EPHA6: variants seen among roughly 807,000 people sequenced by gnomAD.
EPHA6 encodes ephrin type-A receptor 6.
In EPHA6, 50 loss-of-function variants were observed where a neutral mutation model predicts 112.0. The observed-to-expected ratio is 0.45, with a 90% confidence interval of 0.36 to 0.56. EPHA6 has a LOEUF of 0.56. Ranked by LOEUF, EPHA6 falls within the 20% of genes least tolerant of loss-of-function variation. The pLI is 0.00. For missense variants in EPHA6, 1,280 were observed against 1,417.4 expected, an observed-to-expected ratio of 0.90 and a Z score of 1.56; for synonymous variants, 529 against 490.7, an observed-to-expected ratio of 1.08 and a Z score of -1.03.
Position 97,750,483 on chromosome 3 carries a change from A to G in EPHA6, c.*1782A>G, listed in dbSNP as rs2035873101. Among the ~76,000 whole-genome samples the G allele has an allele frequency of 6.6e-6, 1 of 151,850 alleles. No individual in the cohort carries two copies. Among genetic ancestry groups the G allele is most frequent in the African/African-American group, 2.4e-5 (1 of 41,330 alleles). On this transcript the variant is annotated 3_prime_UTR_variant, in exon 18 of 18. Transcript: ENST00000389672. Reference sequence around the variant, plus strand: ...GCGATTCTCCTGCCTCAGCCACCCGAGTAGCTGGGATTACAGGCGCCTGCC... The same window carrying G: ...GCGATTCTCCTGCCTCAGCCACCCGGGTAGCTGGGATTACAGGCGCCTGCC...
At chr3:97,174,397 T>C (rs1474678590) in intron 3 of EPHA6, among the ~76,000 whole-genome samples, 1 of 151,920 alleles carries the variant, frequency 6.6e-6, no homozygotes, top group Admixed American at 6.6e-5. Context: ...TGATTTCCTT[T>C]CTTTTGGGTA....
At chr3:97,668,291 A>G (rs1263210976) in intron 14 of EPHA6, among the ~76,000 whole-genome samples, 9 of 152,186 alleles carry the variant, frequency 5.9e-5, no homozygotes, top group Non-Finnish European at 1.2e-4. Flanking sequence ...AATAAAATCT[A>G]TGACTCCCAG....
At chr3:96,998,063 C>G (rs548671813) in intron 3 of EPHA6, among the ~76,000 whole-genome samples, 1 of 151,700 alleles carries the variant, frequency 6.6e-6, no homozygotes, top group Non-Finnish European at 1.5e-5. Context: ...ATATTTTATT[C>G]TGTTAACTTT....
chr3:97,607,439 A>T (rs2093688321), intron 12 of EPHA6, among the ~76,000 whole-genome samples: 1 of 151,110 alleles, frequency 6.6e-6, no homozygotes, highest in African/African-American at 2.4e-5. Context: ...CTATAACAGA[A>T]AAGGATGATA....
intron 14 of EPHA6, among the ~76,000 whole-genome samples, chr3:97,690,606 T>C (rs1040725779): frequency 3.9e-5 from 6 of 152,128 alleles, no homozygotes; most frequent in African/African-American, 1.4e-4. Context: ...TAGCTGGGAT[T>C]ACAGGCTCAC....
chr3:97,491,022 C>T (rs886296994), intron 10 of EPHA6, among the ~76,000 whole-genome samples: 4 of 152,186 alleles, frequency 2.6e-5, no homozygotes, highest in South Asian at 2.1e-4. Flanking sequence ...GCATCTCCAA[C>T]GTGGCAGCTT....
intron 5 of EPHA6, among the ~76,000 whole-genome samples, chr3:97,316,164 A>G (rs748596060): frequency 6.6e-6 from 1 of 151,988 alleles, no homozygotes; most frequent in Non-Finnish European, 1.5e-5. Flanking sequence ...ATTTCCCTCA[A>G]GATATGGGAG....
intron 14 of EPHA6, among the ~76,000 whole-genome samples, chr3:97,694,087 A>G (rs2032857060): frequency 1.3e-5 from 2 of 152,126 alleles, no homozygotes; most frequent in African/African-American, 4.8e-5. Flanking sequence ...ATTAACTTTG[A>G]TTATTTTATA....
At chr3:97,425,553 A>G (rs1159349569) in intron 6 of EPHA6, among the ~76,000 whole-genome samples, 10 of 152,302 alleles carry the variant, frequency 6.6e-5, no homozygotes, top group African/African-American at 1.9e-4. Context: ...GGGCCCAGCC[A>G]TGAAAACATT....
chr3:97,300,649 C>T (rs186874194), intron 5 of EPHA6, among the ~76,000 whole-genome samples: 209 of 152,164 alleles, frequency 1.4e-3, no homozygotes, highest in African/African-American at 4.7e-3. Flanking sequence ...CCTCTAGTCC[C>T]ATCCTAGAAT....
In EPHA6 at chr3:97,515,954, A is replaced by C. The variant is rs375067345; in HGVS notation, c.2201-16404A>C. On this transcript the variant is annotated intron_variant, in intron 10 of 17. Transcript: ENST00000389672. The stretch of plus-strand genomic sequence containing the variant: ...ATGATAAGAAAGTTAAAAAAAAAAA[A>C]ACACCTCATTCTCAGGTCTTAAAGA... Among the ~76,000 whole-genome samples, 30 of 152,120 alleles carry C rather than the reference A, an allele frequency of 2.0e-4. No individual in the cohort carries two copies. The East Asian group carries it at 3.1e-3, about 16-fold the overall frequency.
chr3:97,139,115 C>A (rs950239128), intron 3 of EPHA6, among the ~76,000 whole-genome samples: 12 of 152,142 alleles, frequency 7.9e-5, no homozygotes, highest in Admixed American at 5.9e-4. Flanking sequence ...GCTTGTCTGA[C>A]CCAGCCCACT....
chr3:97,352,834 C>G (rs1266671645), intron 5 of EPHA6, among the ~76,000 whole-genome samples: 1 of 152,096 alleles, frequency 6.6e-6, no homozygotes, highest in African/African-American at 2.4e-5. Flanking sequence ...TGCATCACCC[C>G]TTCCCCATCC....
rs2032617722 is a variant in EPHA6 at position 96,814,767 on chromosome 3, A to G, written c.144A>G (p.Thr48=). The G allele has an allele frequency of 5.6e-6, 9 of 1,599,010 alleles. No individual in the cohort carries two copies. The highest frequency in any genetic ancestry group is 7.7e-6 in the Non-Finnish European group (9 of 1,171,680). ...PGTSRRGRPG[T]PPAGRVEEEE... ...CCTCGCGCAGGGGGCGCCCCGGGAC[A>G]CCCCCTGCGGGCCGGGTGGAGGAGG... The change falls in exon 1 of 18, where the codon ACA becomes ACG. Residue 48 remains threonine, a synonymous_variant. Transcript: ENST00000389672.
chr3:97,407,584 A>G (rs2087439054), intron 6 of EPHA6, among the ~76,000 whole-genome samples: 1 of 151,976 alleles, frequency 6.6e-6, no homozygotes, highest in African/African-American at 2.4e-5. Flanking sequence ...TTATTCAGTT[A>G]ATTACATTCC....
chr3:97,593,389 C>G (rs970218016), intron 12 of EPHA6, among the ~76,000 whole-genome samples: 41 of 152,292 alleles, frequency 2.7e-4, no homozygotes, highest in African/African-American at 9.6e-4. Flanking sequence ...TCTTCCCTGA[C>G]ATTTAGTAAA....
At chr3:97,394,686 A>G (rs746458280) in intron 5 of EPHA6, among the ~76,000 whole-genome samples, 7 of 151,796 alleles carry the variant, frequency 4.6e-5, no homozygotes, top group Non-Finnish European at 8.8e-5. Flanking sequence ...ATTAAACATC[A>G]TTAATCATCA....
chr3:97,321,711 G>A (rs1178018264), intron 5 of EPHA6, among the ~76,000 whole-genome samples: 1 of 151,736 alleles, frequency 6.6e-6, no homozygotes, highest in African/African-American at 2.4e-5. Flanking sequence ...GACTTCTATT[G>A]AATTGTGAAT....
chr3:97,171,654 GC>G (rs1370488206), intron 3 of EPHA6, among the ~76,000 whole-genome samples: 1 of 152,060 alleles, frequency 6.6e-6, no homozygotes, highest in Admixed American at 6.6e-5. Flanking sequence ...CAGAATTATA[GC>G]AAACTAGAGG....
Sources: allele counts gnomAD v4.1 joint callset (sites outside exome capture counted in the v4.1 genomes callset), GRCh38; gene constraint gnomAD v4.1.1; transcripts MANE v1.5; gene names NCBI Gene and HGNC (gene_info 2026-07-23, HGNC 2026-07-21).